Variants in ARHGAP5 observed in about 807,000 individuals in gnomAD.
ARHGAP5 encodes the protein Rho GTPase activating protein 5, also known as rho GTPase-activating protein 5.
ARHGAP5 carries 23 observed loss-of-function variants against 116.6 expected under a neutral mutation model. That is an observed-to-expected ratio of 0.20 (90% CI 0.14 to 0.28). ARHGAP5 has a LOEUF of 0.28. ARHGAP5 is among the 10% of genes least tolerant of loss of function. The pLI is 1.00. For synonymous variants in ARHGAP5, 574 were observed against 602.0 expected, an observed-to-expected ratio of 0.95 and a Z score of 0.68; for missense variants, 1,405 against 1,774.8, an observed-to-expected ratio of 0.79 and a Z score of 3.74.
At chr14:32,099,207 AT>A (rs1878679080) in intron 2 of ARHGAP5, among the ~76,000 whole-genome samples, 1 of 152,188 alleles carries the variant, frequency 6.6e-6, no homozygotes, top group Non-Finnish European at 1.5e-5. Flanking sequence ...GATACAGAAC[AT>A]TAGAAATTTG....
At chr14:32,140,083 TTA>T (rs1566681613) in intron 3 of ARHGAP5, among the ~76,000 whole-genome samples, 2 of 140,004 alleles carry the variant, frequency 1.4e-5, no homozygotes, top group African/African-American at 5.2e-5. Context: ...TTTTTTTTTT[TTA>T]GGTTATTTGT....
At chr14:32,097,217 G>A (rs895241249) in intron 2 of ARHGAP5, among the ~76,000 whole-genome samples, 7 of 152,082 alleles carry the variant, frequency 4.6e-5, no homozygotes, top group Non-Finnish European at 7.4e-5. Flanking sequence ...TTATTCCAAG[G>A]GTTTTAAATA....
chr14:32,141,504 A>G (rs1881123543), intron 3 of ARHGAP5, among the ~76,000 whole-genome samples: 1 of 152,196 alleles, frequency 6.6e-6, no homozygotes, highest in Admixed American at 6.5e-5. Flanking sequence ...TACTTCTAAA[A>G]TCATACCAGG....
At chr14:32,122,853 C>G (rs971493358) in intron 3 of ARHGAP5, among the ~76,000 whole-genome samples, 2 of 152,164 alleles carry the variant, frequency 1.3e-5, no homozygotes, top group Non-Finnish European at 2.9e-5. Context: ...TTCTATTGAT[C>G]TGTATGTCTG....
In ARHGAP5 at chr14:32,150,063, G is replaced by A. The variant is rs767131356; in HGVS notation, c.4075+30G>A. 5 of 1,515,132 alleles carry A rather than the reference G, an allele frequency of 3.3e-6. No homozygotes were observed. In the South Asian group the frequency reaches 6.7e-5, roughly 20 times the overall value. 93.9% of individuals were successfully genotyped at this position (1,515,132 alleles called of 1,614,324 possible). A position where few individuals can be genotyped will look rare whatever the true frequency, so the allele number is the denominator to read the frequency against. On this transcript the variant is annotated intron_variant, in intron 5 of 6. Coordinates refer to ENST00000345122, the MANE Select transcript of ARHGAP5 (RefSeq NM_001030055.2). ...GTATAAACCTCCTTTTTATGAGAGG[G>A]ATGATAATGGCAGTTTTTGGATATT...
At chr14:32,105,688 G>A (rs1490018962) in intron 2 of ARHGAP5, among the ~76,000 whole-genome samples, 2 of 152,066 alleles carry the variant, frequency 1.3e-5, no homozygotes, top group East Asian at 1.9e-4. Context: ...GTATAGGTTT[G>A]TGTGTCCCTC....
At chr14:32,098,103 T>C (rs1878620535) in intron 2 of ARHGAP5, among the ~76,000 whole-genome samples, 1 of 152,226 alleles carries the variant, frequency 6.6e-6, no homozygotes, top group African/African-American at 2.4e-5. Context: ...TTTCACATGC[T>C]GATTTGATAA....
In ARHGAP5 at chr14:32,091,013, A is replaced by G. The variant is rs1878213258; in HGVS notation, c.344A>G (p.Tyr115Cys). 6.2e-7 allele frequency: 1 copy of G among 1,613,712 alleles called. No individual in the cohort carries two copies. The change falls in exon 2 of 7, where the codon TAT (tyrosine) becomes TGT (cysteine). Residue 115 changes from tyrosine (Y) to cysteine (C), a missense_variant. Tyr to Cys is a radical substitution (Grantham distance 194). Transcript: ENST00000345122. ...CATCGGAGTACGAATTTGCAACCAT[A>G]TATAAAACGTGCAGCTGCATCTAAA... The part of the protein sequence containing the change: ...LPHRSTNLQP[Y>C]IKRAAASKLQ...
chr14:32,137,793 GA>G (rs1880886034), intron 3 of ARHGAP5, among the ~76,000 whole-genome samples: 1 of 151,754 alleles, frequency 6.6e-6, no homozygotes, highest in Non-Finnish European at 1.5e-5. Flanking sequence ...CCAACATGAT[GA>G]AACCCCGTCT....
intron 6 of ARHGAP5, among the ~76,000 whole-genome samples, chr14:32,153,051 GT>G (rs773823740): frequency 0.042 from 3,317 of 79,812 alleles, 117 homozygotes; most frequent in African/African-American, 0.11. Context: ...GGTTTTTTTT[GT>G]TTTTTTTTTT....
intron 3 of ARHGAP5, among the ~76,000 whole-genome samples, chr14:32,143,817 T>C (rs752368914): frequency 1.3e-5 from 2 of 152,208 alleles, no homozygotes; most frequent in Non-Finnish European, 2.9e-5. Flanking sequence ...TTTATCACTG[T>C]GGAAGGGGTT....
At chr14:32,083,162 T>C (rs1340549502) in intron 1 of ARHGAP5, among the ~76,000 whole-genome samples, 1 of 152,264 alleles carries the variant, frequency 6.6e-6, no homozygotes, top group African/African-American at 2.4e-5. Flanking sequence ...ATTGAAACCA[T>C]TCATCTGTTT....
intron 2 of ARHGAP5, among the ~76,000 whole-genome samples, chr14:32,116,866 A>G (rs1306049095): frequency 1.3e-5 from 2 of 152,172 alleles, no homozygotes; most frequent in Admixed American, 6.5e-5. Context: ...GGCATTGAAA[A>G]GTGATATTTT....
intron 3 of ARHGAP5, among the ~76,000 whole-genome samples, chr14:32,123,421 A>G (rs1879988432): frequency 6.6e-6 from 1 of 151,468 alleles, no homozygotes; most frequent in African/African-American, 2.4e-5. Flanking sequence ...TTATGTGTTC[A>G]TTTCTATACC....
intron 3 of ARHGAP5, among the ~76,000 whole-genome samples, chr14:32,138,284 G>A (rs188634815): frequency 2.6e-5 from 4 of 152,126 alleles, no homozygotes; most frequent in African/African-American, 9.6e-5. Flanking sequence ...TTATTTGTTT[G>A]TGGTTTGTTT....
chr14:32,105,462 G>A (rs1446189225), intron 2 of ARHGAP5, among the ~76,000 whole-genome samples: 1 of 150,808 alleles, frequency 6.6e-6, no homozygotes, highest in East Asian at 1.9e-4. Flanking sequence ...GCTAATTGTT[G>A]ATTCATATGC....
At chr14:32,108,330 A>G (rs944499849) in intron 2 of ARHGAP5, among the ~76,000 whole-genome samples, 4 of 152,062 alleles carry the variant, frequency 2.6e-5, no homozygotes, top group African/African-American at 7.2e-5. Flanking sequence ...ATTGGAGAGT[A>G]TATGTTCATA....
rs770766058 is a variant in ARHGAP5 at position 32,092,233 on chromosome 14, C to T, written c.1564C>T (p.Leu522=). 3.7e-6 allele frequency: 6 copies of T among 1,613,252 alleles called. No individual in the cohort carries two copies. Among genetic ancestry groups the T allele is most frequent in the Non-Finnish European group, 5.1e-6 (6 of 1,179,614 alleles). ...SDKMSEIHTV[L]SEEPRYKALQ... is the part of the protein sequence containing the mutation. Reference sequence around the variant, plus strand: ...TAAAATGAGTGAAATTCATACAGTTCTGAGTGAAGAACCTAGATATAAAGC... The same window carrying T: ...TAAAATGAGTGAAATTCATACAGTTTTGAGTGAAGAACCTAGATATAAAGC... Residue 522 remains leucine (L), a synonymous_variant, in exon 2 of 7, where the codon CTG becomes TTG. Transcript: ENST00000345122. This position sits in a 1 kb window ranked among gnomAD's most constrained non-coding sequence, Gnocchi z 4.1.
chr14:32,138,625 G>A (rs112327947), intron 3 of ARHGAP5, among the ~76,000 whole-genome samples: 9 of 152,174 alleles, frequency 5.9e-5, no homozygotes, highest in African/African-American at 2.2e-4. Flanking sequence ...AGGATTTTCT[G>A]CATGTAAGTC....
Sources: gnomAD v4.1 joint callset for allele counts (sites outside exome capture counted in the v4.1 genomes callset) on GRCh38, gnomAD v4.1.1 for gene constraint, Gnocchi (gnomAD v3.1) non-coding constraint, MANE v1.5 for transcripts, NCBI Gene and HGNC (gene_info 2026-07-23, HGNC 2026-07-21) for gene names.